PRKCB: variants seen among roughly 807,000 people sequenced by gnomAD.
PRKCB encodes the protein protein kinase C beta type.
PRKCB carries 13 observed loss-of-function variants against 81.5 expected under a neutral mutation model. That is an observed-to-expected ratio of 0.16 (90% CI 0.10 to 0.25). The LOEUF (loss-of-function observed/expected upper bound fraction) is 0.25, where lower values mean the gene tolerates loss of function less well. Among genes scored for constraint, PRKCB ranks in the 10% least tolerant of loss-of-function variants. PRKCB has a pLI of 1.00. For synonymous variants in PRKCB, 335 were observed against 321.4 expected (o/e 1.04, Z -0.45); for missense variants, 509 against 875.7 (o/e 0.58, Z 5.29).
At chr16:24,018,082 G>T (rs1301551131) in intron 3 of PRKCB, among the ~76,000 whole-genome samples, 1 of 151,816 alleles carries the variant, frequency 6.6e-6, no homozygotes, top group South Asian at 2.1e-4. Flanking sequence ...GTATTTTTTA[G>T]TAGAGACGGG....
intron 5 of PRKCB, among the ~76,000 whole-genome samples, chr16:24,039,118 C>A (rs62026396): frequency 6.6e-6 from 1 of 152,084 alleles, no homozygotes; most frequent in South Asian, 2.1e-4. Context: ...AGAAGGTGGC[C>A]GTCTGCAAGC....
chr16:24,160,654 C>G (rs982315070), intron 10 of PRKCB, among the ~76,000 whole-genome samples: 1 of 152,084 alleles, frequency 6.6e-6, no homozygotes, highest in Non-Finnish European at 1.5e-5. Context: ...AGATAAAGTC[C>G]CTGTTTCTTT....
In PRKCB at chr16:24,220,308, G is replaced by C; in HGVS notation, c.*5492G>C. On this transcript the variant is annotated 3_prime_UTR_variant, in exon 17 of 17. Coordinates refer to ENST00000643927, the MANE Select transcript of PRKCB (RefSeq NM_002738.7). ...TTTGAAAATGTTTAGTTTAGAATAA[G>C]CGCATTATCCAATTATAGAGGTACA... 1 of 603,676 alleles carries C rather than the reference G, an allele frequency of 1.7e-6. No homozygotes were observed. The highest frequency in any genetic ancestry group is 2.7e-6 in the Non-Finnish European group (1 of 374,906). 37.4% of individuals were successfully genotyped at this position (603,676 alleles called of 1,614,324 possible). A position where few individuals can be genotyped will look rare whatever the true frequency, so the allele number is the denominator to read the frequency against.
At chr16:23,976,022 A>T (rs970498728) in intron 2 of PRKCB, among the ~76,000 whole-genome samples, 1 of 152,298 alleles carries the variant, frequency 6.6e-6, no homozygotes, top group Middle Eastern at 3.4e-3. Flanking sequence ...TTCTCAAAAA[A>T]ACTTTTCCTT....
chr16:24,108,766 A>AC (rs1966614848), intron 7 of PRKCB, among the ~76,000 whole-genome samples: 1 of 149,938 alleles, frequency 6.7e-6, no homozygotes, highest in African/African-American at 2.5e-5. Context: ...CTACACAGAC[A>AC]CGGCAACCAT....
chr16:24,013,579 T>A (rs1596511431), intron 3 of PRKCB, among the ~76,000 whole-genome samples: 1 of 152,332 alleles, frequency 6.6e-6, no homozygotes, highest in East Asian at 1.9e-4. Flanking sequence ...GAGTGCTGTA[T>A]GTGGTAGCTG....
chr16:24,030,605 A>G (rs1450216236), intron 3 of PRKCB, among the ~76,000 whole-genome samples: 3 of 151,782 alleles, frequency 2.0e-5, no homozygotes, highest in Non-Finnish European at 2.9e-5. Context: ...TTAGCTGGGC[A>G]TGGTGGTGTG....
chr16:23,900,718 G>GTTTTTTTTTTTTTTTTTTTTTTTTTTTTT (rs56897816), intron 2 of PRKCB, among the ~76,000 whole-genome samples: 1 of 62,266 alleles, frequency 1.6e-5, no homozygotes, highest in Non-Finnish European at 2.7e-5. Flanking sequence ...AGCTGCACAG[G>GTTTTTTTTTTTTTTTTTTTTTTTTTTTTT]TTTTTTTTTT....
intron 5 of PRKCB, among the ~76,000 whole-genome samples, chr16:24,045,791 A>T (rs747194836): frequency 1.7e-4 from 26 of 152,198 alleles, no homozygotes; most frequent in Non-Finnish European, 3.2e-4. Flanking sequence ...GCACTGTAAC[A>T]TTCGAGCAGC....
intron 2 of PRKCB, among the ~76,000 whole-genome samples, chr16:23,846,297 C>A (rs1302992088): frequency 6.6e-6 from 1 of 151,602 alleles, no homozygotes; most frequent in East Asian, 1.9e-4. Context: ...TATAAAGGAA[C>A]TACAGGGAAT....
Position 24,137,533 on chromosome 16 carries a change from C to T in PRKCB, c.1065+13552C>T, listed in dbSNP as rs191546284. On this transcript the variant is annotated intron_variant, in intron 9 of 16. Transcript: ENST00000643927. ...TTGCCTGATTCTTTGGGAAAAATAT[C>T]GCAAAGATAAATCAAGTCCTCTTGT... Among the ~76,000 whole-genome samples the T allele has an allele frequency of 5.9e-5, 9 of 152,202 alleles. No homozygotes were observed. The East Asian group carries it at 9.6e-4, about 16-fold the overall frequency.
At chr16:24,122,468 T>TTTTTTTTTTCTTC (rs1555498212) in intron 8 of PRKCB, among the ~76,000 whole-genome samples, 1 of 138,930 alleles carries the variant, frequency 7.2e-6, no homozygotes, top group African/African-American at 3.3e-5. Flanking sequence ...TTTTTTTTTT[T>TTTTTTTTTTCTTC]AGTGAGAGAG....
intron 2 of PRKCB, among the ~76,000 whole-genome samples, chr16:23,850,695 T>G (rs370224394): frequency 3.9e-5 from 6 of 152,260 alleles, no homozygotes; most frequent in Middle Eastern, 3.4e-3. Context: ...TTTGAGAAAC[T>G]TTTAGTACTG....
chr16:24,030,892 C>T (rs1349735315), intron 3 of PRKCB, among the ~76,000 whole-genome samples: 2 of 114,554 alleles, frequency 1.7e-5, no homozygotes, highest in Admixed American at 1.0e-4. Flanking sequence ...GAGCAAAACT[C>T]TATCTCAAAA....
In PRKCB at chr16:23,968,465, C is replaced by T. The variant is rs573076010; in HGVS notation, c.206-20043C>T. 9.2e-5 allele frequency among the ~76,000 whole-genome samples: 14 copies of T among 152,210 alleles called. No homozygotes were observed. In the South Asian group the frequency reaches 1.4e-3, roughly 16 times the overall value. On this transcript the variant is annotated intron_variant, in intron 2 of 16. Transcript: ENST00000643927. The stretch of plus-strand genomic sequence containing the variant: ...GAGCTGGGGCTAAGAAGGAAGGCAT[C>T]GCCAGCAGGAACCATGGTCCTGGAG...
chr16:24,164,454 C>T (rs7359415), intron 10 of PRKCB, among the ~76,000 whole-genome samples: 317 of 152,254 alleles, frequency 2.1e-3, no homozygotes, highest in African/African-American at 7.3e-3. Context: ...TAGAGGGCAG[C>T]GGTAATAGTG....
chr16:24,142,982 A>G (rs938493524), intron 9 of PRKCB, among the ~76,000 whole-genome samples: 1 of 152,086 alleles, frequency 6.6e-6, no homozygotes, highest in African/African-American at 2.4e-5. Context: ...GGCCTACAGT[A>G]TATACACATG....
At chr16:24,195,063 C>A (rs1296003330) in intron 16 of PRKCB, among the ~76,000 whole-genome samples, 1 of 151,944 alleles carries the variant, frequency 6.6e-6, no homozygotes, top group Non-Finnish European at 1.5e-5. Context: ...CGTTGGTGGG[C>A]GTGATAGCAT....
At chr16:24,137,423 C>G (rs1966868872) in intron 9 of PRKCB, among the ~76,000 whole-genome samples, 1 of 151,202 alleles carries the variant, frequency 6.6e-6, no homozygotes, top group African/African-American at 2.4e-5. Flanking sequence ...TTCTGGCCAC[C>G]AGCGATCCTC....
Sources: allele counts gnomAD v4.1 joint callset (sites outside exome capture counted in the v4.1 genomes callset), GRCh38; gene constraint gnomAD v4.1.1; transcripts MANE v1.5; gene names NCBI Gene and HGNC (gene_info 2026-07-23, HGNC 2026-07-21).